Variants in AK4 observed in about 807,000 individuals in gnomAD.
AK4 encodes adenylate kinase 4, also known as adenylate kinase 4, mitochondrial.
A neutral mutation model predicts 24.6 loss-of-function variants in AK4; 13 were observed. That is an observed-to-expected ratio of 0.53 (90% confidence interval 0.34 to 0.84). AK4 has a LOEUF of 0.84. Among genes scored for constraint, AK4 ranks in the 40% least tolerant of loss-of-function variants. The pLI is 0.01. For missense variants in AK4, 192 were observed against 288.2 expected (o/e 0.67, Z 2.42); for synonymous variants, 88 against 107.0 (o/e 0.82, Z 1.10).
In AK4 at chr1:65,160,937, C is replaced by G. The variant is rs982688220; in HGVS notation, c.145+12385C>G. On this transcript the variant is annotated intron_variant, in intron 1 of 4. Coordinates refer to ENST00000327299, the MANE Select transcript of AK4 (RefSeq NM_013410.4). ...CACTTAAAGGCCCCACCTCTTAATA[C>G]TATCACATTGGTTATTAAGTTTCAG... 2.0e-5 allele frequency among the ~76,000 whole-genome samples: 3 copies of G among 152,090 alleles called. No individual in the cohort carries two copies. In the East Asian group the frequency reaches 5.8e-4, roughly 29 times the overall value.
chr1:65,207,176 TAA>T (rs1651837058), intron 2 of AK4, among the ~76,000 whole-genome samples: 1 of 152,196 alleles, frequency 6.6e-6, no homozygotes, highest in African/African-American at 2.4e-5. Flanking sequence ...TCTAGGTTTT[TAA>T]AGTCTTTTTC....
chr1:65,148,537 A>G lies in AK4; in HGVS notation c.130A>G (p.Ile44Val), dbSNP rs1649646964. The G allele has an allele frequency of 6.2e-7, 1 of 1,600,682 alleles. No individual in the cohort carries two copies. Among genetic ancestry groups the G allele is most frequent in the African/African-American group, 1.3e-5 (1 of 74,802 alleles). Residue 44 changes from isoleucine to valine, a missense_variant, in exon 1 of 5, where the codon ATC (isoleucine) becomes GTC (valine). Coordinates refer to ENST00000327299, the MANE Select transcript of AK4 (RefSeq NM_013410.4). ...CAGCGGCCACTTCTTGCGGGAGAAC[A>G]TCAAGGCCAGCACCGGTGAGGGGCT... Reference protein sequence around the residue: ...LSSGHFLRENIKASTEVGEMA... With the variant: ...LSSGHFLRENVKASTEVGEMA...
At chr1:65,162,549 T>C (rs1231161892) in intron 1 of AK4, among the ~76,000 whole-genome samples, 1 of 151,856 alleles carries the variant, frequency 6.6e-6, no homozygotes, top group Non-Finnish European at 1.5e-5. Flanking sequence ...TCTTTAAAAG[T>C]GTACAACTCA....
rs552572978 is a variant in AK4, at chr1:65,152,384, A to ATT, written c.145+3867_145+3868dup. Among the ~76,000 whole-genome samples, 5 of 16,464 alleles carry ATT rather than the reference A, an allele frequency of 3.0e-4. 1 individual carries two copies. Among genetic ancestry groups the ATT allele is most frequent in the East Asian group, 3.7e-3 (2 of 540 alleles). The allele number at this position is 16,464 out of a possible 152,430, so 10.8% of individuals were successfully genotyped here. On this transcript the variant is annotated intron_variant, in intron 1 of 4. Coordinates refer to ENST00000327299, the MANE Select transcript of AK4 (RefSeq NM_013410.4). ...TCTATATATATATATATATATATAT[A>ATT]TTTTTTTTTTTTTTTTTTTTTTTTT...
At chr1:65,199,398 A>G (rs1651592593) in intron 2 of AK4, among the ~76,000 whole-genome samples, 1 of 152,004 alleles carries the variant, frequency 6.6e-6, no homozygotes, top group African/African-American at 2.4e-5. Context: ...AAATACAAAA[A>G]ATTAGCTGTG....
intron 2 of AK4, among the ~76,000 whole-genome samples, chr1:65,193,842 C>A (rs1416594877): frequency 6.6e-6 from 1 of 152,218 alleles, no homozygotes; most frequent in African/African-American, 2.4e-5. Context: ...TGTTGTGGCT[C>A]ACACCTGTAA....
chr1:65,161,206 T>C (rs1018025217), intron 1 of AK4, among the ~76,000 whole-genome samples: 1 of 152,042 alleles, frequency 6.6e-6, no homozygotes, highest in Non-Finnish European at 1.5e-5. Flanking sequence ...GAGGTAGAAA[T>C]TGCTTTTCAT....
chr1:65,161,619 C>CCAA (rs1461776177), intron 1 of AK4, among the ~76,000 whole-genome samples: 1 of 152,106 alleles, frequency 6.6e-6, no homozygotes, highest in Non-Finnish European at 1.5e-5. Context: ...CCCATTGGTA[C>CCAA]CTTTAATTTG....
chr1:65,224,584 G>A (rs578164257), intron 3 of AK4, among the ~76,000 whole-genome samples, 168 bp from the exon 4 acceptor site: 1 of 152,296 alleles, frequency 6.6e-6, no homozygotes, highest in East Asian at 1.9e-4. Context: ...ATACTGTTAA[G>A]TGTGCTATTT....
rs1652540828 is a variant in AK4, at chr1:65,228,627, C to T, written c.*2450C>T. The T allele has an allele frequency of 1.3e-5, 2 of 152,034 alleles. No individual in the cohort carries two copies. Among genetic ancestry groups the T allele is most frequent in the South Asian group, 4.1e-4 (2 of 4,828 alleles). The allele number at this position is 152,034 out of a possible 1,614,324, so 9.4% of individuals were successfully genotyped here. ...TGTTTCTTGTTTTCTTCAACAAACT[C>T]ACTAGTTTTCCCTTAAATGATATTG... is the stretch of plus-strand genomic sequence containing the variant. On this transcript the variant is annotated 3_prime_UTR_variant, in exon 5 of 5. Coordinates refer to ENST00000327299, the MANE Select transcript of AK4 (RefSeq NM_013410.4).
chr1:65,150,689 T>C (rs1404565450), intron 1 of AK4, among the ~76,000 whole-genome samples: 3 of 152,206 alleles, frequency 2.0e-5, no homozygotes, highest in Non-Finnish European at 4.4e-5. Flanking sequence ...ACCACCCTTC[T>C]GTATGTACCC....
intron 2 of AK4, among the ~76,000 whole-genome samples, chr1:65,205,241 T>G (rs1315067550): frequency 3.9e-5 from 6 of 152,198 alleles, no homozygotes; most frequent in Non-Finnish European, 8.8e-5. Context: ...TTTATTTTAT[T>G]TTTATTTGTT....
Position 65,226,195 on chromosome 1 carries a change from A to G in AK4, c.*18A>G, listed in dbSNP as rs1489115341. On this transcript the variant is annotated 3_prime_UTR_variant, in exon 5 of 5. Coordinates refer to ENST00000327299, the MANE Select transcript of AK4 (RefSeq NM_013410.4). ...CATATTGACCCTGCCCAATGGAAGA[A>G]CCAGGAAGATGTGGTCATTCATTCA... 2.6e-5 allele frequency: 41 copies of G among 1,577,772 alleles called. No homozygotes were observed. The highest frequency in any genetic ancestry group is 3.4e-5 in the Non-Finnish European group (39 of 1,156,636).
At chr1:65,214,733 C>G (rs1346449888) in intron 2 of AK4, among the ~76,000 whole-genome samples, 1 of 152,164 alleles carries the variant, frequency 6.6e-6, no homozygotes, top group African/African-American at 2.4e-5. Context: ...ATATACCATG[C>G]TTGCCTCCCC....
At chr1:65,152,376 A>C (rs1570055516) in intron 1 of AK4, among the ~76,000 whole-genome samples, 1 of 66,770 alleles carries the variant, frequency 1.5e-5, no homozygotes, top group African/African-American at 5.0e-5. Flanking sequence ...ATATATATAT[A>C]TATATATATT....
At chr1:65,195,827 C>T (rs1651451931) in intron 2 of AK4, among the ~76,000 whole-genome samples, 1 of 152,156 alleles carries the variant, frequency 6.6e-6, no homozygotes, top group Admixed American at 6.5e-5. Flanking sequence ...GAAGTGTTCA[C>T]TTCAAAAATA....
rs79303661 is a variant in AK4 at position 65,229,272 on chromosome 1, G to A, written c.*3095G>A. 0.024 allele frequency: 3,664 copies of A among 152,240 alleles called. 89 individuals are homozygous for A. Among genetic ancestry groups the A allele is most frequent in the African/African-American group, 0.069 (2,885 of 41,518 alleles). The allele number at this position is 152,240 out of a possible 1,614,324, so 9.4% of individuals were successfully genotyped here. The stretch of plus-strand genomic sequence containing the variant: ...ACATCAAGAAATGGAGCTAGTCCAT[G>A]TCTGTAGTCCCAATGCTTTGGGAAG... On this transcript the variant is annotated 3_prime_UTR_variant, in exon 5 of 5. Coordinates refer to ENST00000327299, the MANE Select transcript of AK4 (RefSeq NM_013410.4).
At chr1:65,203,150 G>A (rs942445760) in intron 2 of AK4, among the ~76,000 whole-genome samples, 5 of 152,050 alleles carry the variant, frequency 3.3e-5, no homozygotes, top group African/African-American at 1.2e-4. Context: ...TGAGATTACA[G>A]TCATGAGCCA....
intron 2 of AK4, among the ~76,000 whole-genome samples, chr1:65,207,986 T>C (rs1651861716): frequency 1.3e-5 from 2 of 152,232 alleles, no homozygotes; most frequent in Admixed American, 1.3e-4. Flanking sequence ...TTTGCTATGG[T>C]GAATAGTACT....
Sources: gnomAD v4.1 joint callset for allele counts (sites outside exome capture counted in the v4.1 genomes callset) on GRCh38, gnomAD v4.1.1 for gene constraint, MANE v1.5 for transcripts, NCBI Gene and HGNC (gene_info 2026-07-23, HGNC 2026-07-21) for gene names.